Variants in NOL10 observed in about 807,000 individuals in gnomAD.
NOL10 encodes nucleolar protein 10, also known as H_NH0074G24.1.
Under a neutral mutation model 103.5 loss-of-function variants are expected in NOL10, and 58 were observed. The observed-to-expected ratio is 0.56, with a 90% CI of 0.45 to 0.70. The LOEUF is 0.70. Among genes scored for constraint, NOL10 ranks in the 30% least tolerant of loss-of-function variants. The pLI is 0.00. For synonymous variants in NOL10, 287 were observed against 282.5 expected (o/e 1.02, Z -0.16); for missense variants, 763 against 807.3 (o/e 0.95, Z 0.67).
chr2:10,661,964 T>C (rs1346915055), intron 9 of NOL10, among the ~76,000 whole-genome samples: 4 of 152,176 alleles, frequency 2.6e-5, no homozygotes, highest in African/African-American at 9.7e-5. Context: ...CTTCTTCCTA[T>C]GACTATGCTT....
chr2:10,659,705 T>A, intron 9 of NOL10, among the ~76,000 whole-genome samples: 1 of 152,060 alleles, frequency 6.6e-6, no homozygotes. Context: ...AAATAGTAAG[T>A]AAATAGTAAT....
chr2:10,604,262 T>C (rs935810453), intron 14 of NOL10, among the ~76,000 whole-genome samples: 5 of 152,234 alleles, frequency 3.3e-5, no homozygotes, highest in Non-Finnish European at 7.3e-5. Context: ...TGGGGACCCC[T>C]GGTATAAGTG....
At chr2:10,687,545 C>G (rs564738311) in intron 1 of NOL10, among the ~76,000 whole-genome samples, 38 of 152,306 alleles carry the variant, frequency 2.5e-4, no homozygotes, top group African/African-American at 8.7e-4. Flanking sequence ...TTGATCTCAC[C>G]TAGTCCCAAA....
At chr2:10,622,215 C>T in intron 13 of NOL10, 1 of 469,190 alleles carries the variant, frequency 2.1e-6, no homozygotes, top group Non-Finnish European at 4.4e-6. Context: ...GATATATCTA[C>T]ACAACAAAAC....
intron 8 of NOL10, among the ~76,000 whole-genome samples, chr2:10,666,268 TA>T (rs918738880): frequency 6.1e-5 from 9 of 148,312 alleles, no homozygotes; most frequent in East Asian, 1.9e-4. Flanking sequence ...ATAATTTGAG[TA>T]AAAAAAAAAC....
At chr2:10,611,605 A>G (rs1481630330) in intron 13 of NOL10, among the ~76,000 whole-genome samples, 2 of 152,166 alleles carry the variant, frequency 1.3e-5, no homozygotes, top group African/African-American at 2.4e-5. Context: ...ACACAGTGAG[A>G]TCCTGTCTCT....
intron 13 of NOL10, among the ~76,000 whole-genome samples, chr2:10,609,189 T>C (rs75979060): frequency 0.082 from 12,412 of 151,362 alleles, 853 homozygotes; most frequent in East Asian, 0.39. Context: ...CACACGCACA[T>C]ACACACACAA....
chr2:10,616,291 C>A (rs982911311), intron 13 of NOL10, among the ~76,000 whole-genome samples: 2 of 137,142 alleles, frequency 1.5e-5, no homozygotes, highest in Non-Finnish European at 3.0e-5. Context: ...TGCAGTGGTG[C>A]GATCTCGGCT....
At chr2:10,581,133 C>T (rs543313782) in intron 19 of NOL10, among the ~76,000 whole-genome samples, 6 of 152,272 alleles carry the variant, frequency 3.9e-5, no homozygotes, top group South Asian at 4.1e-4. Context: ...CAGGCAACCA[C>T]GAAATCTGAT....
chr2:10,660,769 T>C (rs1366266813), intron 9 of NOL10, among the ~76,000 whole-genome samples: 1 of 152,206 alleles, frequency 6.6e-6, no homozygotes, highest in Non-Finnish European at 1.5e-5. Context: ...TCTTATAGAT[T>C]TTCAGTTATT....
chr2:10,618,143 C>T (rs1676933908), intron 13 of NOL10, among the ~76,000 whole-genome samples: 1 of 151,568 alleles, frequency 6.6e-6, no homozygotes, highest in South Asian at 2.1e-4. Flanking sequence ...TCCCGAATAG[C>T]TGGGATTATG....
At chr2:10,651,679 C>T (rs569461911) in intron 12 of NOL10, among the ~76,000 whole-genome samples, 7 of 152,170 alleles carry the variant, frequency 4.6e-5, no homozygotes, top group African/African-American at 1.7e-4. Flanking sequence ...TGTCACTCCC[C>T]CAGTCGCACT....
chr2:10,607,037 T>G, intron 14 of NOL10, 148 bp downstream of exon 14: 1 of 477,400 alleles, frequency 2.1e-6, no homozygotes, highest in East Asian at 3.4e-5. Context: ...AATCTGACAA[T>G]TTATAATATG....
chr2:10,577,843 A>C, intron 19 of NOL10, 105 bp from the exon 20 acceptor site: 1 of 697,936 alleles, frequency 1.4e-6, no homozygotes, highest in Non-Finnish European at 2.5e-6. Context: ...ATGTTTACAC[A>C]TGTAAACAGA....
At chr2:10,651,225 C>G (rs2148297360) in intron 12 of NOL10, among the ~76,000 whole-genome samples, 1 of 152,224 alleles carries the variant, frequency 6.6e-6, no homozygotes, top group East Asian at 1.9e-4. Context: ...CTTCTATATC[C>G]TTGGTTACAA....
intron 2 of NOL10, among the ~76,000 whole-genome samples, chr2:10,683,910 CTTA>C (rs2148367564): frequency 6.6e-6 from 1 of 152,246 alleles, no homozygotes; most frequent in Non-Finnish European, 1.5e-5. Context: ...AACAGGCTAA[CTTA>C]TTAGTTAATA....
intron 17 of NOL10, among the ~76,000 whole-genome samples, chr2:10,595,144 C>CAG (rs77723934): frequency 0.054 from 6,731 of 123,974 alleles, 201 homozygotes; most frequent in East Asian, 0.074. Flanking sequence ...GGGGAGGGGG[C>CAG]AGAGAGAGAG....
intron 17 of NOL10, 43 bp downstream of exon 17, chr2:10,600,810 C>A: frequency 1.6e-6 from 2 of 1,272,506 alleles, no homozygotes; most frequent in South Asian, 2.7e-5. Flanking sequence ...AAGTTACTAT[C>A]AACAAAACGC....
At chr2:10,623,829 A>C (rs928444354) in intron 13 of NOL10, among the ~76,000 whole-genome samples, 10 of 152,360 alleles carry the variant, frequency 6.6e-5, no homozygotes, top group African/African-American at 2.4e-4. Context: ...GCAAATTAAA[A>C]CAACAATAAG....
Sources: gnomAD v4.1 joint callset for allele counts (sites outside exome capture counted in the v4.1 genomes callset) on GRCh38, gnomAD v4.1.1 for gene constraint, MANE v1.5 for transcripts, NCBI Gene and HGNC (gene_info 2026-07-23, HGNC 2026-07-21) for gene names.